The following CASP6 variants were observed in gnomAD, a reference collection of about 807,000 sequenced individuals.
The protein encoded by CASP6 is caspase-6.
CASP6 carries 20 observed loss-of-function variants against 31.8 expected under a neutral mutation model. The ratio of observed to expected loss-of-function variants is 0.63; its 90% confidence interval spans 0.44 to 0.91. The LOEUF is 0.91. Among genes scored for constraint, CASP6 ranks in the 40% least tolerant of loss-of-function variants. The pLI, the probability that CASP6 is intolerant of heterozygous loss-of-function variation, is 0.00. For missense variants in CASP6, 328 were observed against 361.1 expected, an observed-to-expected ratio of 0.91 and a Z score of 0.74; for synonymous variants, 130 against 127.8, an observed-to-expected ratio of 1.02 and a Z score of -0.12.
downstream of CASP6, chr4:109,687,776 G>A: frequency 1.7e-6 from 1 of 580,046 alleles, no homozygotes; most frequent in Non-Finnish European, 3.0e-6. Flanking sequence ...ACTTGCTAAT[G>A]TTAGAAAGGG....
At chr4:109,693,731 C>CA (rs778035178) in intron 5 of CASP6, among the ~76,000 whole-genome samples, 187 of 142,112 alleles carry the variant, frequency 1.3e-3, no homozygotes, top group Non-Finnish European at 2.0e-3. Flanking sequence ...AATATTCATG[C>CA]AAAAAAAAAA....
Position 109,689,499 on chromosome 4 carries a change from T to A in CASP6, c.713A>T (p.Lys238Ile). The A allele has an allele frequency of 6.2e-7, 1 of 1,614,202 alleles. No individual in the cohort carries two copies. Reference protein sequence around the residue: ...YIQDLCEMLGKYGSSLEFTEL... With the variant: ...YIQDLCEMLGIYGSSLEFTEL... ...TGTGAACTCTAAGGAGGAGCCATAT[T>A]TTCCCAACATCTCACACAAATCTTG... The change falls in exon 7 of 7, where the codon AAA becomes ATA. Residue 238 changes from lysine (K) to isoleucine (I), a missense_variant. Coordinates refer to ENST00000265164, the MANE Select transcript of CASP6 (RefSeq NM_001226.4).
intron 3 of CASP6, 121 bp from the exon 4 acceptor site, chr4:109,696,607 G>T (rs938840139): frequency 5.0e-6 from 3 of 602,548 alleles, no homozygotes; most frequent in Non-Finnish European, 8.7e-6. Flanking sequence ...TAGGAGAAAA[G>T]AAATGAAATA....
the CASP6 span, among the ~76,000 whole-genome samples, chr4:109,671,974 A>G: frequency 6.6e-6 from 1 of 152,068 alleles, no homozygotes; most frequent in South Asian, 2.1e-4. Context: ...GTTTCCCTAT[A>G]AATTCTTTCT....
chr4:109,687,760 T>G, downstream of CASP6: 1 of 591,110 alleles, frequency 1.7e-6, no homozygotes, highest in Non-Finnish European at 3.0e-6. Context: ...TTTTTGGATT[T>G]TTATGACTTG....
upstream of CASP6, among the ~76,000 whole-genome samples, chr4:109,704,807 C>T (rs1221734738): frequency 1.3e-5 from 2 of 152,186 alleles, no homozygotes; most frequent in African/African-American, 2.4e-5. Flanking sequence ...TGGGTTCAAA[C>T]GATTCTTCTG....
At chr4:109,686,298 C>T (rs1729834771), downstream of CASP6, among the ~76,000 whole-genome samples, 1 of 152,098 alleles carries the variant, frequency 6.6e-6, no homozygotes, top group Non-Finnish European at 1.5e-5. Context: ...GCCACCACAC[C>T]TGGTTACTTT....
chr4:109,703,334 C>T (rs5030519), intron 1 of CASP6, 22 bp downstream of exon 1: 52,966 of 1,603,102 alleles, frequency 0.033, 1,042 homozygotes, highest in Admixed American at 0.042. Context: ...TGCTCGGTGC[C>T]CAGTCGACGC....
chr4:109,664,863 C>T, the CASP6 span, among the ~76,000 whole-genome samples: 377 of 151,770 alleles, frequency 2.5e-3, 2 homozygotes, highest in African/African-American at 8.7e-3. Flanking sequence ...AATGCTTAAC[C>T]GACATTATTG....
At chr4:109,696,781 GTTT>G (rs757024540) in intron 3 of CASP6, among the ~76,000 whole-genome samples, 3 of 126,700 alleles carry the variant, frequency 2.4e-5, no homozygotes, top group Non-Finnish European at 3.3e-5. Context: ...ACTCAGGCAA[GTTT>G]TTTTTTTTTT....
chr4:109,699,436 T>C (rs1730352114), intron 1 of CASP6, among the ~76,000 whole-genome samples: 1 of 152,128 alleles, frequency 6.6e-6, no homozygotes, highest in South Asian at 2.1e-4. Flanking sequence ...GGAATTCAGT[T>C]CAAGTCCCTT....
In CASP6 at chr4:109,689,297, A is replaced by G. The variant is rs1251351881; in HGVS notation, c.*33T>C. Reference sequence around the variant, plus strand: ...CGCCTGGCTGAGAAAGCCATTTTCAATACAGAGTGTAAAATTAGATAGCCT... The same window carrying G: ...CGCCTGGCTGAGAAAGCCATTTTCAGTACAGAGTGTAAAATTAGATAGCCT... On this transcript the variant is annotated 3_prime_UTR_variant, in exon 7 of 7. Transcript: ENST00000265164. 1.9e-6 allele frequency: 3 copies of G among 1,597,262 alleles called. No homozygotes were observed. The highest frequency in any genetic ancestry group is 1.7e-5 in the Admixed American group (1 of 59,634).
the CASP6 span, among the ~76,000 whole-genome samples, chr4:109,679,895 G>C: frequency 6.6e-6 from 1 of 152,090 alleles, no homozygotes; most frequent in African/African-American, 2.4e-5. Context: ...TCTGCCTTCT[G>C]GGTTCAAGCA....
At chr4:109,682,550 G>T in the CASP6 span, 2 of 1,568,916 alleles carry the variant, frequency 1.3e-6, no homozygotes, top group South Asian at 2.4e-5. Flanking sequence ...ACAATGTGGT[G>T]ACTGGCTTGT....
chr4:109,698,230 CT>C, intron 2 of CASP6, 69 bp downstream of exon 2: 1 of 1,512,714 alleles, frequency 6.6e-7, no homozygotes, highest in Non-Finnish European at 8.9e-7. Flanking sequence ...CCCATTCTTG[CT>C]TTGATTTCTG....
intron 1 of CASP6, among the ~76,000 whole-genome samples, chr4:109,700,489 A>T (rs1730387516): frequency 6.6e-6 from 1 of 152,186 alleles, no homozygotes; most frequent in Admixed American, 6.5e-5. Context: ...CCCTGTGAAT[A>T]GTCACCATAC....
the CASP6 span, chr4:109,682,691 T>C: frequency 1.7e-5 from 28 of 1,613,692 alleles, no homozygotes; most frequent in Non-Finnish European, 2.1e-5. Context: ...GAGAGCACCA[T>C]TTACTGGAGA....
intron 6 of CASP6, 118 bp from the exon 7 acceptor site, chr4:109,689,686 G>A: frequency 3.4e-6 from 3 of 877,082 alleles, no homozygotes; most frequent in Non-Finnish European, 5.3e-6. Context: ...CTTAAGATGT[G>A]TCCATGATAT....
intron 3 of CASP6, 139 bp from the exon 4 acceptor site, chr4:109,696,625 G>A: frequency 1.7e-6 from 1 of 577,890 alleles, no homozygotes; most frequent in East Asian, 2.8e-5. Context: ...ATATAACAAT[G>A]GTGGTTTTCC....
Sources: gnomAD v4.1 joint callset for allele counts (sites outside exome capture counted in the v4.1 genomes callset) on GRCh38, gnomAD v4.1.1 for gene constraint, MANE v1.5 for transcripts, NCBI Gene and HGNC (gene_info 2026-07-23, HGNC 2026-07-21) for gene names.